Variants in KIAA1217 observed in about 807,000 individuals in gnomAD.
The protein encoded by KIAA1217 is KIAA1217.
KIAA1217 carries 88 observed loss-of-function variants against 163.9 expected under a neutral mutation model. The ratio of observed to expected loss-of-function variants is 0.54; its 90% CI spans 0.45 to 0.64. The LOEUF (loss-of-function observed/expected upper bound fraction) is 0.64, where lower values mean the gene tolerates loss of function less well. Among genes scored for constraint, KIAA1217 ranks in the 30% least tolerant of loss-of-function variants. The pLI, the probability that KIAA1217 is intolerant of heterozygous loss-of-function variation, is 0.00. For synonymous variants in KIAA1217, 903 were observed against 923.1 expected (o/e 0.98, Z 0.39); for missense variants, 2,372 against 2,475.0 (o/e 0.96, Z 0.88).
chr10:24,536,988 CT>C, intron 17 of KIAA1217, 95 bp downstream of exon 17: 1 of 1,432,858 alleles, frequency 7.0e-7, no homozygotes, highest in Non-Finnish European at 9.5e-7. Flanking sequence ...TTTGTCCCCT[CT>C]GTCTTTTTTC....
chr10:24,103,132 T>G (rs1264420093), intron 2 of KIAA1217, among the ~76,000 whole-genome samples: 1 of 152,162 alleles, frequency 6.6e-6, no homozygotes, highest in Non-Finnish European at 1.5e-5. Context: ...TATGTCTTTA[T>G]TAGCTGTGTG....
At chr10:23,802,137 G>A (rs1836496247) in intron 1 of KIAA1217, among the ~76,000 whole-genome samples, 2 of 152,116 alleles carry the variant, frequency 1.3e-5, no homozygotes, top group African/African-American at 4.8e-5. Context: ...GATGTGCTAG[G>A]TTTCAGATGA....
At chr10:24,511,743 G>A (rs2069199276) in intron 9 of KIAA1217, among the ~76,000 whole-genome samples, 1 of 152,208 alleles carries the variant, frequency 6.6e-6, no homozygotes, top group African/African-American at 2.4e-5. Context: ...CAAAAGTGGT[G>A]TGAGAGCATG....
At chr10:23,968,150 G>T (rs947033582) in intron 1 of KIAA1217, among the ~76,000 whole-genome samples, 1 of 152,134 alleles carries the variant, frequency 6.6e-6, no homozygotes, top group South Asian at 2.1e-4. Flanking sequence ...GCATATGTGT[G>T]TGTGTGTGTA....
At chr10:23,945,436 G>C (rs113989391) in intron 1 of KIAA1217, among the ~76,000 whole-genome samples, 1 of 152,192 alleles carries the variant, frequency 6.6e-6, no homozygotes, top group African/African-American at 2.4e-5. Context: ...TATGGTGATA[G>C]AAATCAGAGC....
At chr10:24,205,523 C>T (rs1296858466), upstream of KIAA1217, among the ~76,000 whole-genome samples, 1 of 151,374 alleles carries the variant, frequency 6.6e-6, no homozygotes, top group Non-Finnish European at 1.5e-5. Context: ...CTTGTAGTCC[C>T]AGCACTTTGG....
intron 5 of KIAA1217, among the ~76,000 whole-genome samples, chr10:24,454,797 A>G (rs2061642195): frequency 6.6e-6 from 1 of 152,128 alleles, no homozygotes; most frequent in Non-Finnish European, 1.5e-5. Flanking sequence ...CAAAGTGGAA[A>G]CCGTTTTTGC....
intron 1 of KIAA1217, among the ~76,000 whole-genome samples, chr10:23,829,694 T>C (rs1838081505): frequency 6.6e-6 from 1 of 152,222 alleles, no homozygotes; most frequent in African/African-American, 2.4e-5. Context: ...TTATATCCTA[T>C]TATTTAAACA....
intron 1 of KIAA1217, among the ~76,000 whole-genome samples, chr10:24,004,136 C>A (rs1045555204): frequency 4.6e-5 from 7 of 152,146 alleles, no homozygotes; most frequent in African/African-American, 1.7e-4. Flanking sequence ...CACACCACCA[C>A]GCCTGGCTAA....
chr10:23,974,143 A>G (rs553909817), intron 1 of KIAA1217, among the ~76,000 whole-genome samples: 1 of 152,364 alleles, frequency 6.6e-6, no homozygotes, highest in South Asian at 2.1e-4. Context: ...CTAATGCTGC[A>G]TGATGGAGGT....
At chr10:24,187,342 G>A (rs368556367) in intron 2 of KIAA1217, among the ~76,000 whole-genome samples, 29 of 152,124 alleles carry the variant, frequency 1.9e-4, no homozygotes, top group African/African-American at 6.3e-4. Flanking sequence ...CTCCCTCTTC[G>A]CTGCCTCCCA....
intron 1 of KIAA1217, among the ~76,000 whole-genome samples, chr10:23,707,101 A>T (rs1471432681): frequency 6.6e-6 from 1 of 152,232 alleles, no homozygotes; most frequent in Non-Finnish European, 1.5e-5. Context: ...CTCCTGTCCT[A>T]TGAGAACATA....
At chr10:24,532,937 GC>G in intron 15 of KIAA1217, 132 bp from the exon 16 acceptor site, 1 of 698,382 alleles carries the variant, frequency 1.4e-6, no homozygotes, top group Non-Finnish European at 2.2e-6. Flanking sequence ...GAATAAAATA[GC>G]CTTTCAGCTA....
chr10:24,538,548 TGGAGGGAG>T (rs200883442), intron 17 of KIAA1217, among the ~76,000 whole-genome samples: 1,926 of 80,474 alleles, frequency 0.024, 30 homozygotes, highest in African/African-American at 0.037. Flanking sequence ...GTAGGAGGGA[TGGAGGGAG>T]GGAGGGAGGG....
intron 2 of KIAA1217, among the ~76,000 whole-genome samples, chr10:24,338,127 A>G (rs2046628655): frequency 6.6e-6 from 1 of 152,202 alleles, no homozygotes; most frequent in Non-Finnish European, 1.5e-5. Flanking sequence ...TTCCCCTTGA[A>G]TCTTTTTGTC....
At chr10:23,888,395 G>A (rs1284021415) in intron 1 of KIAA1217, among the ~76,000 whole-genome samples, 1 of 151,866 alleles carries the variant, frequency 6.6e-6, no homozygotes, top group Non-Finnish European at 1.5e-5. Flanking sequence ...TCTTTCTAGG[G>A]AGAAGTGAGT....
At chr10:24,175,980 T>C (rs1176922620) in intron 2 of KIAA1217, among the ~76,000 whole-genome samples, 3 of 152,172 alleles carry the variant, frequency 2.0e-5, no homozygotes, top group Non-Finnish European at 2.9e-5. Context: ...AGAACAAATC[T>C]TCCACACTGT....
At chr10:24,021,847 A>G (rs1464692638) in intron 2 of KIAA1217, among the ~76,000 whole-genome samples, 1 of 149,468 alleles carries the variant, frequency 6.7e-6, no homozygotes, top group African/African-American at 2.5e-5. Context: ...CAATTCAATG[A>G]AGAAAGATTA....
intron 2 of KIAA1217, among the ~76,000 whole-genome samples, chr10:24,373,340 A>T (rs1254166573): frequency 2.0e-5 from 3 of 152,064 alleles, no homozygotes; most frequent in Non-Finnish European, 4.4e-5. Context: ...CTTCCTGCGC[A>T]ATTAGGAACT....
Sources: allele counts gnomAD v4.1 joint callset (sites outside exome capture counted in the v4.1 genomes callset), GRCh38; gene constraint gnomAD v4.1.1; transcripts MANE v1.5; gene names NCBI Gene and HGNC (gene_info 2026-07-23, HGNC 2026-07-21).